Variants in CSMD1 observed in about 807,000 individuals in gnomAD.
CSMD1 encodes CUB and Sushi multiple domains 1.
In CSMD1, 213 loss-of-function variants were observed where a neutral mutation model predicts 417.5. The ratio of observed to expected loss-of-function variants is 0.51; its 90% CI spans 0.46 to 0.57. The LOEUF is 0.57. Among genes scored for constraint, CSMD1 ranks in the 20% least tolerant of loss-of-function variants. CSMD1 has a pLI of 0.00. For synonymous variants in CSMD1, 2,862 were observed against 1,736.8 expected, an observed-to-expected ratio of 1.65 and a Z score of -16.11; for missense variants, 6,923 against 4,529.7, an observed-to-expected ratio of 1.53 and a Z score of -15.17.
chr8:3,035,079 A>G (rs1468368688), intron 50 of CSMD1, among the ~76,000 whole-genome samples: 2 of 152,148 alleles, frequency 1.3e-5, no homozygotes, highest in Non-Finnish European at 2.9e-5. Context: ...AGGCAACACG[A>G]AACAGCCTGA....
At chr8:3,090,022 TCTGA>T (rs1814824114) in intron 48 of CSMD1, among the ~76,000 whole-genome samples, 1 of 152,050 alleles carries the variant, frequency 6.6e-6, no homozygotes, top group South Asian at 2.1e-4. Flanking sequence ...CCTTTAAGAG[TCTGA>T]CTATCGGCCG....
intron 5 of CSMD1, among the ~76,000 whole-genome samples, chr8:3,801,331 T>C (rs1191734114): frequency 6.6e-6 from 1 of 152,038 alleles, no homozygotes; most frequent in South Asian, 2.1e-4. Flanking sequence ...AAAGAAGACA[T>C]ACAAATGGCC....
chr8:3,488,394 C>T (rs899785420), intron 11 of CSMD1, among the ~76,000 whole-genome samples: 1 of 152,110 alleles, frequency 6.6e-6, no homozygotes, highest in East Asian at 1.9e-4. Flanking sequence ...AGGCGTATAC[C>T]AGCATGCCTG....
intron 3 of CSMD1, among the ~76,000 whole-genome samples, chr8:4,048,225 G>T (rs1325852764): frequency 6.6e-6 from 1 of 152,086 alleles, no homozygotes; most frequent in Non-Finnish European, 1.5e-5. Context: ...ACCGTTCTTT[G>T]TTATTAGTCA....
At chr8:4,000,097 C>G (rs1352985817) in intron 4 of CSMD1, among the ~76,000 whole-genome samples, 2 of 152,364 alleles carry the variant, frequency 1.3e-5, no homozygotes, top group East Asian at 3.9e-4. Context: ...AAATGTCTGT[C>G]CTGCCCCCCG....
At chr8:4,394,921 A>C (rs765949232) in intron 3 of CSMD1, among the ~76,000 whole-genome samples, 5 of 152,164 alleles carry the variant, frequency 3.3e-5, no homozygotes, top group Non-Finnish European at 7.3e-5. Context: ...CAGCAGGTGC[A>C]CTGAATCTCA....
chr8:4,231,516 G>T (rs1485631642), intron 3 of CSMD1, among the ~76,000 whole-genome samples: 1 of 34,970 alleles, frequency 2.9e-5, no homozygotes, highest in Non-Finnish European at 5.6e-5. Context: ...ACATAAGAAA[G>T]GTCTGTAATT....
chr8:3,772,960 G>C (rs1389780879), intron 5 of CSMD1, among the ~76,000 whole-genome samples: 1 of 152,016 alleles, frequency 6.6e-6, no homozygotes, highest in Non-Finnish European at 1.5e-5. Flanking sequence ...TCACTATCAA[G>C]GTGCCAGTGG....
At chr8:3,739,551 G>A (rs1024561128) in intron 6 of CSMD1, among the ~76,000 whole-genome samples, 1 of 151,986 alleles carries the variant, frequency 6.6e-6, no homozygotes, top group Non-Finnish European at 1.5e-5. Flanking sequence ...TTGAAAAAAA[G>A]GGAAAACTGA....
intron 1 of CSMD1, among the ~76,000 whole-genome samples, chr8:4,747,097 G>A (rs914272640): frequency 2.0e-5 from 3 of 152,186 alleles, no homozygotes; most frequent in African/African-American, 7.2e-5. Flanking sequence ...CACGACACAG[G>A]AATGGCAGGT....
At chr8:4,233,915 C>T (rs189355358) in intron 3 of CSMD1, among the ~76,000 whole-genome samples, 4 of 151,658 alleles carry the variant, frequency 2.6e-5, no homozygotes, top group Admixed American at 1.3e-4. Context: ...ACCAATGTCA[C>T]CCTAAAATGC....
chr8:4,153,281 A>G (rs1192784207), intron 3 of CSMD1, among the ~76,000 whole-genome samples: 1 of 152,190 alleles, frequency 6.6e-6, no homozygotes, highest in Non-Finnish European at 1.5e-5. Flanking sequence ...AGAGTGTCCA[A>G]GTTTGACTCA....
chr8:3,832,610 C>A (rs1039978905), intron 5 of CSMD1, among the ~76,000 whole-genome samples: 3 of 152,122 alleles, frequency 2.0e-5, no homozygotes, highest in African/African-American at 7.2e-5. Flanking sequence ...GCAATGATGG[C>A]ATGGGTTCTT....
intron 41 of CSMD1, among the ~76,000 whole-genome samples, chr8:3,136,910 T>A: frequency 6.7e-6 from 1 of 149,032 alleles, no homozygotes; most frequent in South Asian, 2.1e-4. Flanking sequence ...TAAAAATTTT[T>A]TTCTATGTAA....
At position 3,443,438 on chromosome 8, in the gene CSMD1, T is replaced by C. The variant is rs140560170; in HGVS notation, c.1561+25274A>G. Among the ~76,000 whole-genome samples the C allele has an allele frequency of 9.1e-4, 138 of 152,200 alleles. 3 individuals are homozygous for C. The East Asian group carries it at 0.024, about 26-fold the overall frequency. ...TAAAACACATTACTGCTTACCCAATTTGGGAGGCGGGTTGACACAAACATC... is the reference window on the plus strand; with the variant it reads ...TAAAACACATTACTGCTTACCCAATCTGGGAGGCGGGTTGACACAAACATC... On this transcript the variant is annotated intron_variant, in intron 12 of 69. Coordinates refer to ENST00000635120, the MANE Select transcript of CSMD1 (RefSeq NM_033225.6).
chr8:4,425,376 T>TTTTTTTTTG (rs1797488254), intron 2 of CSMD1, among the ~76,000 whole-genome samples: 1 of 103,132 alleles, frequency 9.7e-6, no homozygotes, highest in African/African-American at 4.3e-5. Context: ...CTTATTTGTG[T>TTTTTTTTTG]GCCAAAAAAA....
chr8:3,109,662 T>C (rs1423671970), intron 43 of CSMD1, among the ~76,000 whole-genome samples: 2 of 152,014 alleles, frequency 1.3e-5, no homozygotes, highest in Non-Finnish European at 1.5e-5. Context: ...CATTTCCAGG[T>C]CCTGCCTTAC....
chr8:4,227,306 C>T (rs1016436241), intron 3 of CSMD1, among the ~76,000 whole-genome samples: 1 of 152,074 alleles, frequency 6.6e-6, no homozygotes, highest in African/African-American at 2.4e-5. Flanking sequence ...TGGGGGCTGT[C>T]GTGGCCTCTC....
At chr8:4,824,502 T>G (rs1273074847) in intron 1 of CSMD1, among the ~76,000 whole-genome samples, 4 of 152,060 alleles carry the variant, frequency 2.6e-5, no homozygotes, top group Admixed American at 2.6e-4. Context: ...TTAAACAGAG[T>G]AGTCCCAATT....
Sources: gnomAD v4.1 joint callset for allele counts (sites outside exome capture counted in the v4.1 genomes callset) on GRCh38, gnomAD v4.1.1 for gene constraint, MANE v1.5 for transcripts, NCBI Gene and HGNC (gene_info 2026-07-23, HGNC 2026-07-21) for gene names.